Variants in WDR70 observed in about 807,000 individuals in gnomAD.
WDR70 encodes WD repeat domain 70.
A neutral mutation model predicts 88.6 loss-of-function variants in WDR70; 53 were observed. The observed-to-expected ratio is 0.60, with a 90% CI of 0.48 to 0.75. The LOEUF is 0.75. Among genes scored for constraint, WDR70 ranks in the 30% least tolerant of loss-of-function variants. WDR70 has a pLI of 0.00. For synonymous variants in WDR70, 280 were observed against 270.0 expected (o/e 1.04, Z -0.36); for missense variants, 610 against 823.2 (o/e 0.74, Z 3.17).
intron 7 of WDR70, among the ~76,000 whole-genome samples, chr5:37,453,857 G>A (rs4242250): frequency 0.86 from 130,503 of 152,100 alleles, 59,451 homozygotes; most frequent in East Asian, 1. Context: ...CAGCTCCTCA[G>A]AGAGACCTTT....
chr5:37,415,079 C>T (rs1749658094), intron 5 of WDR70, among the ~76,000 whole-genome samples: 1 of 150,530 alleles, frequency 6.6e-6, no homozygotes, highest in South Asian at 2.1e-4. Context: ...GCACATGTTT[C>T]AGAGAGCACA....
chr5:37,752,517 G>A lies in WDR70; in HGVS notation c.1909G>A (p.Glu637Lys). ...TQPKTMFAQV[E>K]SDDEEAKNEP... ...GCCCAAAACCATGTTTGCCCAAGTT[G>A]AATCTGATGATGAGGAAGCAAAGAA... Residue 637 changes from glutamate (E) to lysine (K), a missense_variant, in exon 18 of 18, where the codon GAA becomes AAA. Transcript: ENST00000265107. 1 of 1,612,482 alleles carries A rather than the reference G, an allele frequency of 6.2e-7. No homozygotes were observed. Among genetic ancestry groups the A allele is most frequent in the Non-Finnish European group, 8.5e-7 (1 of 1,179,362 alleles).
intron 10 of WDR70, among the ~76,000 whole-genome samples, chr5:37,667,114 G>A (rs1488625841): frequency 6.6e-6 from 1 of 152,056 alleles, no homozygotes; most frequent in Admixed American, 6.5e-5. Flanking sequence ...GCCTTAGATT[G>A]AATTTATACT....
At position 37,589,255 on chromosome 5, in the gene WDR70, C is replaced by CAA. The variant is rs1389874162; in HGVS notation, c.918-15808_918-15807insAA. Among the ~76,000 whole-genome samples the CAA allele has an allele frequency of 2.5e-5, 3 of 120,826 alleles. No homozygotes were observed. The East Asian group carries it at 6.5e-4, about 26-fold the overall frequency. The allele number at this position is 120,826 out of a possible 152,430, so 79.3% of individuals were successfully genotyped here. A position where few individuals can be genotyped will look rare whatever the true frequency, so the allele number is the denominator to read the frequency against. On this transcript the variant is annotated intron_variant, in intron 9 of 17. Transcript: ENST00000265107. The stretch of plus-strand genomic sequence containing the variant: ...ACATATATACCTACACACATACACA[C>CAA]ACACACACACACACACACACACACA...
At chr5:37,580,040 C>T (rs1161941220) in intron 9 of WDR70, among the ~76,000 whole-genome samples, 3 of 151,876 alleles carry the variant, frequency 2.0e-5, no homozygotes, top group African/African-American at 7.3e-5. Context: ...TGTTGTATGC[C>T]CAAGACAATA....
intron 5 of WDR70, among the ~76,000 whole-genome samples, chr5:37,431,800 A>G (rs1750311126): frequency 1.3e-5 from 2 of 152,208 alleles, no homozygotes; most frequent in Non-Finnish European, 2.9e-5. Flanking sequence ...AAGTGGAACC[A>G]TATAGTATTT....
intron 7 of WDR70, among the ~76,000 whole-genome samples, chr5:37,452,903 G>A (rs1390831230): frequency 1.3e-5 from 2 of 152,182 alleles, no homozygotes; most frequent in Non-Finnish European, 2.9e-5. Context: ...AGAAGTCCAA[G>A]TCTAGGAGTG....
intron 9 of WDR70, among the ~76,000 whole-genome samples, chr5:37,537,963 G>A (rs1187227105): frequency 6.6e-6 from 1 of 152,004 alleles, no homozygotes; most frequent in African/African-American, 2.4e-5. Flanking sequence ...GTTCAGTGAG[G>A]GCCTTTGGGC....
chr5:37,630,374 T>C (rs1744777771), intron 10 of WDR70, among the ~76,000 whole-genome samples: 1 of 152,130 alleles, frequency 6.6e-6, no homozygotes, highest in African/African-American at 2.4e-5. Context: ...GCCTACAGCA[T>C]TGTTTCTCAG....
At chr5:37,720,918 A>G (rs1452986508) in intron 13 of WDR70, among the ~76,000 whole-genome samples, 197 bp from the exon 14 acceptor site, 1 of 152,212 alleles carries the variant, frequency 6.6e-6, no homozygotes, top group Admixed American at 6.5e-5. Context: ...TTTATGGAGT[A>G]TCACCCAGAT....
intron 10 of WDR70, among the ~76,000 whole-genome samples, chr5:37,638,699 C>T (rs928719260): frequency 2.0e-5 from 3 of 152,122 alleles, no homozygotes; most frequent in Non-Finnish European, 4.4e-5. Flanking sequence ...GAAGAAAGTT[C>T]ACATTGATCT....
At chr5:37,506,273 C>G (rs1274489420) in intron 8 of WDR70, 8 of 917,070 alleles carry the variant, frequency 8.7e-6, no homozygotes, top group Non-Finnish European at 1.5e-5. Context: ...GTGAATGATC[C>G]TCTGGTGATT....
intron 10 of WDR70, among the ~76,000 whole-genome samples, chr5:37,670,566 A>G (rs1179220513): frequency 2.0e-5 from 3 of 152,192 alleles, no homozygotes; most frequent in African/African-American, 7.2e-5. Context: ...AGTGGGTACT[A>G]TTACTATTCT....
chr5:37,447,442 T>C (rs1377343180), intron 7 of WDR70, among the ~76,000 whole-genome samples: 2 of 152,218 alleles, frequency 1.3e-5, no homozygotes, highest in African/African-American at 4.8e-5. Flanking sequence ...ACTGGTTATA[T>C]ACCCAAAGGA....
chr5:37,494,210 T>G (rs1740149138), intron 8 of WDR70, among the ~76,000 whole-genome samples: 1 of 152,166 alleles, frequency 6.6e-6, no homozygotes, highest in Non-Finnish European at 1.5e-5. Context: ...AAATGAATAA[T>G]GCCTCCATCT....
At chr5:37,675,038 G>T (rs1289964184) in intron 10 of WDR70, among the ~76,000 whole-genome samples, 2 of 151,686 alleles carry the variant, frequency 1.3e-5, no homozygotes, top group Non-Finnish European at 2.9e-5. Flanking sequence ...CTTCTTTTGA[G>T]AAGTGTCTGT....
At chr5:37,586,295 A>T (rs1743362816) in intron 9 of WDR70, among the ~76,000 whole-genome samples, 1 of 152,152 alleles carries the variant, frequency 6.6e-6, no homozygotes, top group Admixed American at 6.5e-5. Context: ...TTATCATTCT[A>T]CTGACATTGC....
At chr5:37,398,847 G>A (rs1286276074) in intron 5 of WDR70, among the ~76,000 whole-genome samples, 1 of 152,100 alleles carries the variant, frequency 6.6e-6, no homozygotes, top group Non-Finnish European at 1.5e-5. Flanking sequence ...ATCTCTGTAG[G>A]TTGAAATATT....
chr5:37,386,648 G>GTATA (rs1748626027), intron 3 of WDR70, among the ~76,000 whole-genome samples: 1 of 152,054 alleles, frequency 6.6e-6, no homozygotes, highest in South Asian at 2.1e-4. Flanking sequence ...TATAGTAGAT[G>GTATA]TATATATTTG....
Sources: gnomAD v4.1 joint callset for allele counts (sites outside exome capture counted in the v4.1 genomes callset) on GRCh38, gnomAD v4.1.1 for gene constraint, MANE v1.5 for transcripts, NCBI Gene and HGNC (gene_info 2026-07-23, HGNC 2026-07-21) for gene names.